SGTB: variants seen among roughly 807,000 people sequenced by gnomAD.
SGTB encodes the protein small glutamine-rich tetratricopeptide repeat-containing protein beta.
A neutral mutation model predicts 43.9 loss-of-function variants in SGTB; 19 were observed. That is an observed-to-expected ratio of 0.43 (90% CI 0.30 to 0.63). The LOEUF (loss-of-function observed/expected upper bound fraction) is 0.63, where lower values mean the gene tolerates loss of function less well. SGTB is among the 30% of genes least tolerant of loss of function. The pLI is 0.12. For missense variants in SGTB, 304 were observed against 358.9 expected (o/e 0.85, Z 1.24); for synonymous variants, 116 against 117.3 (o/e 0.99, Z 0.07).
Position 65,712,950 on chromosome 5 carries a change from T to C in SGTB, c.204+11A>G, listed in dbSNP as rs181887134. ...ATATCAGTTAATAATGAGAAAATAA[T>C]GACAACATACCTTACAGAAGGAACT... On this transcript the variant is annotated intron_variant, in intron 3 of 10. Coordinates refer to ENST00000381007, the MANE Select transcript of SGTB (RefSeq NM_019072.3). 3.8e-4 allele frequency: 605 copies of C among 1,595,952 alleles called. No individual in the cohort carries two copies. The highest frequency in any genetic ancestry group is 1.5e-3 in the Middle Eastern group (9 of 6,006).
At chr5:65,693,471 C>T (rs1051518765) in intron 5 of SGTB, among the ~76,000 whole-genome samples, 2 of 152,000 alleles carry the variant, frequency 1.3e-5, no homozygotes, top group African/African-American at 4.8e-5. Flanking sequence ...AAAATGTTAA[C>T]TACCATTGAT....
At chr5:65,696,605 C>T (rs561956299) in intron 5 of SGTB, among the ~76,000 whole-genome samples, 1 of 152,272 alleles carries the variant, frequency 6.6e-6, no homozygotes, top group African/African-American at 2.4e-5. Flanking sequence ...CAAATAGATA[C>T]AAGTGCCAAT....
chr5:65,701,529 A>T (rs1757818938), intron 5 of SGTB, among the ~76,000 whole-genome samples: 1 of 152,300 alleles, frequency 6.6e-6, no homozygotes, highest in Admixed American at 6.5e-5. Flanking sequence ...GAAAAACATT[A>T]AAAGGCAAAT....
chr5:65,680,549 G>A lies in SGTB; in HGVS notation c.626C>T (p.Thr209Ile). 1 of 1,614,094 alleles carries A rather than the reference G, an allele frequency of 6.2e-7. No individual in the cohort carries two copies. ...KLREVSSPTG[T>I]GLSFDMASLI... ...GCTAGCCATGTCAAAGCTCAGTCCA[G>A]TTCCTGTCTGTAAAACAATTATATC... The change falls in exon 8 of 11, where the codon ACT (threonine) becomes ATT (isoleucine). Residue 209 changes from threonine to isoleucine, a missense_variant. Physicochemically the swap from Thr to Ile is moderately conservative, Grantham distance 89. Transcript: ENST00000381007.
At chr5:65,696,945 C>T (rs1190134794) in intron 5 of SGTB, among the ~76,000 whole-genome samples, 1 of 152,128 alleles carries the variant, frequency 6.6e-6, no homozygotes, top group African/African-American at 2.4e-5. Flanking sequence ...AAAAAGTAAA[C>T]ATTAGTTCAT....
chr5:65,700,869 G>C (rs543652770), intron 5 of SGTB, among the ~76,000 whole-genome samples: 4 of 151,008 alleles, frequency 2.6e-5, no homozygotes, highest in African/African-American at 9.7e-5. Context: ...AATTAGCCTG[G>C]AGTGGTGGCA....
intron 5 of SGTB, among the ~76,000 whole-genome samples, chr5:65,702,398 C>G (rs1205497930): frequency 6.6e-6 from 1 of 152,202 alleles, no homozygotes; most frequent in African/African-American, 2.4e-5. Flanking sequence ...CTAGACTTCT[C>G]TCTTCCTTCT....
chr5:65,676,720 A>G (rs1017151024), intron 8 of SGTB, among the ~76,000 whole-genome samples: 1 of 152,164 alleles, frequency 6.6e-6, no homozygotes, highest in Non-Finnish European at 1.5e-5. Flanking sequence ...TTTTGGGTAA[A>G]TAATAAAATT....
rs1757081808 is a variant in SGTB, at chr5:65,668,277, A to G, written c.*1969T>C. 6.6e-6 allele frequency: 1 copy of G among 151,902 alleles called. No homozygotes were observed. The highest frequency in any genetic ancestry group is 2.4e-5 in the African/African-American group (1 of 41,324). The allele number at this position is 151,902 out of a possible 1,614,324, so 9.4% of individuals were successfully genotyped here. ...CAATTAGTCTTTTGATAAGGGTTCT[A>G]TAAGGCCTAATCATCTGCATTATTA... On this transcript the variant is annotated 3_prime_UTR_variant, in exon 11 of 11. Transcript: ENST00000381007.
At chr5:65,709,382 G>A (rs1378686320) in intron 3 of SGTB, among the ~76,000 whole-genome samples, 4 of 141,584 alleles carry the variant, frequency 2.8e-5, no homozygotes, top group African/African-American at 1.0e-4. Context: ...ATATTGTCCA[G>A]TTTTTTTTTT....
rs535108514 is a variant in SGTB, at chr5:65,705,105, C to T, written c.275-727G>A. On this transcript the variant is annotated intron_variant, in intron 4 of 10. Coordinates refer to ENST00000381007, the MANE Select transcript of SGTB (RefSeq NM_019072.3). Reference sequence around the variant, plus strand: ...TTTCCTATGGGTATTTTTTGTATACCATTAAATGAAAAAGTAGTGTCCTCT... The same window carrying T: ...TTTCCTATGGGTATTTTTTGTATACTATTAAATGAAAAAGTAGTGTCCTCT... Among the ~76,000 whole-genome samples the T allele has an allele frequency of 3.9e-5, 6 of 152,020 alleles. No individual in the cohort carries two copies. In the South Asian group the frequency reaches 1.2e-3, roughly 32 times the overall value.
chr5:65,712,875 T>A, intron 3 of SGTB, 86 bp downstream of exon 3: 1 of 971,428 alleles, frequency 1.0e-6, no homozygotes. Context: ...TAATTACTCA[T>A]ATACCTGGCC....
chr5:65,704,826 A>C (rs1302159146), intron 4 of SGTB, among the ~76,000 whole-genome samples: 1 of 152,216 alleles, frequency 6.6e-6, no homozygotes, highest in Non-Finnish European at 1.5e-5. Flanking sequence ...CTGATAATCA[A>C]GTTCTCAGAA....
chr5:65,700,472 T>TCCTGGCTAA (rs1274020598), intron 5 of SGTB, among the ~76,000 whole-genome samples: 1 of 151,316 alleles, frequency 6.6e-6, no homozygotes, highest in African/African-American at 2.4e-5. Flanking sequence ...ATCGAGACCA[T>TCCTGGCTAA]CCTGGCTAAC....
At chr5:65,706,351 G>T (rs1436551102) in intron 4 of SGTB, among the ~76,000 whole-genome samples, 1 of 152,236 alleles carries the variant, frequency 6.6e-6, no homozygotes, top group South Asian at 2.1e-4. Flanking sequence ...TGATGTTGCT[G>T]TTGGGCTCTT....
chr5:65,698,373 A>C (rs1468781575), intron 5 of SGTB, among the ~76,000 whole-genome samples: 1 of 152,178 alleles, frequency 6.6e-6, no homozygotes. Context: ...CTTGATCTCC[A>C]TAACAACCCT....
intron 4 of SGTB, 136 bp from the exon 5 acceptor site, chr5:65,704,514 AT>A: frequency 1.9e-6 from 1 of 540,412 alleles, no homozygotes; most frequent in Non-Finnish European, 3.1e-6. Flanking sequence ...ACTGGAAAAA[AT>A]TTTACATTGT....
At position 65,671,989 on chromosome 5, in the gene SGTB, T is replaced by C; in HGVS notation, c.729A>G (p.Gly243=). The C allele has an allele frequency of 3.7e-6, 6 of 1,613,966 alleles. No homozygotes were observed. Among genetic ancestry groups the C allele is most frequent in the Non-Finnish European group, 4.2e-6 (5 of 1,179,946 alleles). ...GTCCCCCAATGGCATTTGTCATCAT[T>C]CCTGACATTCTAGAGTACACAAGAA... ...QNPQVQQLMS[G]MMTNAIGGPA... is the part of the protein sequence containing the mutation. The change falls in exon 10 of 11, where the codon GGA becomes GGG. Residue 243 remains glycine, a synonymous_variant. Transcript: ENST00000381007.
chr5:65,721,412 C>G (rs889948321), intron 1 of SGTB, among the ~76,000 whole-genome samples: 1 of 152,210 alleles, frequency 6.6e-6, no homozygotes, highest in Non-Finnish European at 1.5e-5. Context: ...ATGGATACTA[C>G]AAGCCGACCG....
Sources: gnomAD v4.1 joint callset for allele counts (sites outside exome capture counted in the v4.1 genomes callset) on GRCh38, gnomAD v4.1.1 for gene constraint, MANE v1.5 for transcripts, NCBI Gene and HGNC (gene_info 2026-07-23, HGNC 2026-07-21) for gene names.